SNTG1: variants seen among roughly 807,000 people sequenced by gnomAD.
The protein encoded by SNTG1 is syntrophin gamma 1.
SNTG1 carries 39 observed loss-of-function variants against 74.7 expected under a neutral mutation model. That is an observed-to-expected ratio of 0.52 (90% CI 0.40 to 0.68). SNTG1 has a LOEUF of 0.68. SNTG1 is among the 30% of genes least tolerant of loss of function. SNTG1 has a pLI of 0.00. For missense variants in SNTG1, 685 were observed against 609.5 expected (o/e 1.12, Z -1.30); for synonymous variants, 254 against 217.1 (o/e 1.17, Z -1.49).
intron 2 of SNTG1, among the ~76,000 whole-genome samples, chr8:50,257,681 A>T (rs760376065): frequency 2.0e-4 from 30 of 152,206 alleles, no homozygotes; most frequent in Non-Finnish European, 8.8e-5. Flanking sequence ...TCACATGCTT[A>T]GTGTTTCAAT....
intron 18 of SNTG1, among the ~76,000 whole-genome samples, chr8:50,780,109 A>G (rs1278148954): frequency 6.6e-6 from 1 of 152,150 alleles, no homozygotes; most frequent in African/African-American, 2.4e-5. Flanking sequence ...GTTTGCCAGT[A>G]TTTTATTGAG....
At chr8:50,005,992 G>A (rs1425051737) in intron 1 of SNTG1, among the ~76,000 whole-genome samples, 1 of 113,688 alleles carries the variant, frequency 8.8e-6, no homozygotes, top group African/African-American at 3.6e-5. Context: ...TTGAGATGGA[G>A]TCTCGCTCTG....
intron 1 of SNTG1, among the ~76,000 whole-genome samples, chr8:50,101,711 C>T (rs1324482402): frequency 1.3e-5 from 2 of 151,888 alleles, no homozygotes; most frequent in Non-Finnish European, 2.9e-5. Context: ...CTCCCCCCTC[C>T]TCCCACCCCA....
chr8:49,952,982 G>A (rs1585639184), intron 1 of SNTG1, among the ~76,000 whole-genome samples: 1 of 152,180 alleles, frequency 6.6e-6, no homozygotes, highest in African/African-American at 2.4e-5. Flanking sequence ...AGATAAATTT[G>A]TTGCCTTCCA....
At chr8:50,256,906 C>A (rs891436442) in intron 2 of SNTG1, among the ~76,000 whole-genome samples, 4 of 152,138 alleles carry the variant, frequency 2.6e-5, no homozygotes, top group African/African-American at 9.7e-5. Flanking sequence ...TAACAATAAT[C>A]TGTGACATTT....
intron 2 of SNTG1, among the ~76,000 whole-genome samples, chr8:50,264,073 CT>C (rs1371535263): frequency 6.6e-6 from 1 of 152,066 alleles, no homozygotes; most frequent in African/African-American, 2.4e-5. Flanking sequence ...ATTAAGCATT[CT>C]CGAATAAACA....
At chr8:50,774,510 C>A (rs2095635067) in intron 18 of SNTG1, among the ~76,000 whole-genome samples, 1 of 151,730 alleles carries the variant, frequency 6.6e-6, no homozygotes, top group Non-Finnish European at 1.5e-5. Context: ...GTGAAACTCT[C>A]CTTCCAAAGT....
At chr8:50,070,950 A>G (rs541454113) in intron 1 of SNTG1, among the ~76,000 whole-genome samples, 3 of 152,150 alleles carry the variant, frequency 2.0e-5, no homozygotes, top group Admixed American at 2.0e-4. Flanking sequence ...TGCCACAGTC[A>G]TTTAGCTGCA....
intron 1 of SNTG1, among the ~76,000 whole-genome samples, chr8:50,027,677 C>T (rs978402602): frequency 3.3e-5 from 5 of 152,270 alleles, no homozygotes; most frequent in Middle Eastern, 6.8e-3. Flanking sequence ...GACTTTTAGC[C>T]TTCCTTACTG....
At chr8:50,521,997 T>A (rs1330035043) in intron 9 of SNTG1, among the ~76,000 whole-genome samples, 1 of 152,166 alleles carries the variant, frequency 6.6e-6, no homozygotes, top group East Asian at 1.9e-4. Context: ...CCTGTCAATA[T>A]TAATCATGAG....
At chr8:50,753,114 C>T (rs953608608) in intron 18 of SNTG1, among the ~76,000 whole-genome samples, 7 of 151,944 alleles carry the variant, frequency 4.6e-5, no homozygotes, top group African/African-American at 1.7e-4. Context: ...CTAACTTCTT[C>T]CACTCCCTTT....
intron 1 of SNTG1, among the ~76,000 whole-genome samples, chr8:50,130,418 A>T (rs1042237091): frequency 1.3e-5 from 2 of 152,134 alleles, no homozygotes; most frequent in African/African-American, 4.8e-5. Context: ...AAGAAATGTA[A>T]TATATAGCTG....
intron 1 of SNTG1, among the ~76,000 whole-genome samples, chr8:50,166,943 T>C (rs1310184662): frequency 1.3e-5 from 2 of 148,598 alleles, no homozygotes; most frequent in African/African-American, 2.6e-5. Context: ...TATGCAGCCA[T>C]AAAAAATGAT....
At chr8:50,640,339 C>T (rs180935561) in intron 13 of SNTG1, among the ~76,000 whole-genome samples, 17 of 152,304 alleles carry the variant, frequency 1.1e-4, no homozygotes, top group African/African-American at 4.1e-4. Flanking sequence ...TACAAAGCCT[C>T]TCTTTCCTCT....
intron 13 of SNTG1, among the ~76,000 whole-genome samples, chr8:50,623,186 A>G (rs2094934522): frequency 6.6e-6 from 1 of 152,194 alleles, no homozygotes; most frequent in East Asian, 1.9e-4. Flanking sequence ...AATTGTTCTG[A>G]CAAGGATTTC....
rs1805596128 is a variant in SNTG1 at position 49,911,687 on chromosome 8, C to G, written c.-647C>G. 1.3e-5 allele frequency: 2 copies of G among 152,250 alleles called. No individual in the cohort carries two copies. Among genetic ancestry groups the G allele is most frequent in the Non-Finnish European group, 2.9e-5 (2 of 68,144 alleles). 9.4% of individuals were successfully genotyped at this position (152,250 alleles called of 1,614,324 possible). A position where few individuals can be genotyped will look rare whatever the true frequency, so the allele number is the denominator to read the frequency against. On this transcript the variant is annotated 5_prime_UTR_variant, in exon 1 of 19. Transcript: ENST00000642720. Reference sequence around the variant, plus strand: ...TGGACCTGCGCTTAGGGGCTCCCGTCCCCTTACTTCAGCACCAGAGGGGAT... The same window carrying G: ...TGGACCTGCGCTTAGGGGCTCCCGTGCCCTTACTTCAGCACCAGAGGGGAT...
chr8:50,234,264 T>G (rs2085779993), intron 2 of SNTG1, among the ~76,000 whole-genome samples: 1 of 151,926 alleles, frequency 6.6e-6, no homozygotes, highest in Non-Finnish European at 1.5e-5. Flanking sequence ...TGAACTGATA[T>G]GAAGAACATT....
chr8:50,424,050 C>G (rs2093130569), intron 4 of SNTG1, among the ~76,000 whole-genome samples: 1 of 152,066 alleles, frequency 6.6e-6, no homozygotes, highest in South Asian at 2.1e-4. Context: ...GACCAAAGAC[C>G]CTTCTTCCCC....
intron 4 of SNTG1, among the ~76,000 whole-genome samples, chr8:50,413,887 G>C (rs2092982237): frequency 6.6e-6 from 1 of 152,036 alleles, no homozygotes; most frequent in Admixed American, 6.6e-5. Context: ...TGGCTATTAT[G>C]ATTTTCACTT....
Sources: allele counts gnomAD v4.1 joint callset (sites outside exome capture counted in the v4.1 genomes callset), GRCh38; gene constraint gnomAD v4.1.1; transcripts MANE v1.5; gene names NCBI Gene and HGNC (gene_info 2026-07-23, HGNC 2026-07-21).